Variants in WDR26 observed in about 807,000 individuals in gnomAD.
WDR26 encodes the protein WD repeat domain 26, also known as WD repeat-containing protein 26.
A neutral mutation model predicts 84.1 loss-of-function variants in WDR26; 5 were observed. The observed-to-expected ratio is 0.06, with a 90% CI of 0.03 to 0.13. WDR26 has a LOEUF of 0.13. Ranked by LOEUF, WDR26 falls within the 10% of genes least tolerant of loss-of-function variation. The pLI is 1.00. For missense variants in WDR26, 642 were observed against 974.9 expected (o/e 0.66, Z 4.55); for synonymous variants, 415 against 389.6 (o/e 1.07, Z -0.77).
At position 224,433,962 on chromosome 1, in the gene WDR26, C is replaced by T. The variant is rs1177406459; in HGVS notation, c.444G>A (p.Ser148=). The T allele has an allele frequency of 2.6e-6, 4 of 1,528,718 alleles. No individual in the cohort carries two copies. Among genetic ancestry groups the T allele is most frequent in the Non-Finnish European group, 2.6e-6 (3 of 1,141,302 alleles). The allele number at this position is 1,528,718 out of a possible 1,614,324, so 94.7% of individuals were successfully genotyped here. ...TGGCGTGGGCCAGGTCCCCCGCGGA[C>T]GACGACGACGAGGGGGACGACTCCC... Residue 148 remains serine, a synonymous_variant, in exon 1 of 14, where the codon TCG becomes TCA. Coordinates refer to ENST00000414423, the MANE Select transcript of WDR26 (RefSeq NM_001379403.1).
intron 4 of WDR26, 64 bp from the exon 5 acceptor site, chr1:224,419,679 A>G (rs1285113877): frequency 6.1e-6 from 8 of 1,316,138 alleles, no homozygotes; most frequent in Non-Finnish European, 8.7e-6. Context: ...ATGTAATTGA[A>G]AAGTACTGAC....
At chr1:224,392,901 T>TAAAAA (rs201845991) in intron 13 of WDR26, among the ~76,000 whole-genome samples, 1 of 134,448 alleles carries the variant, frequency 7.4e-6, no homozygotes. Context: ...TCTTTCTCAC[T>TAAAAA]AAAAAAAAAA....
chr1:224,433,446 G>C (rs1344715765), intron 1 of WDR26, among the ~76,000 whole-genome samples: 4 of 152,060 alleles, frequency 2.6e-5, no homozygotes, highest in African/African-American at 9.7e-5. Context: ...CTCAACGCCT[G>C]TCTCGTCTCA....
chr1:224,429,140 T>C (rs1674313829), intron 3 of WDR26, among the ~76,000 whole-genome samples: 2 of 151,792 alleles, frequency 1.3e-5, no homozygotes, highest in Admixed American at 1.3e-4. Context: ...CATGTGCCTG[T>C]AGTCCCAGCT....
At chr1:224,433,593 G>GGCC in intron 1 of WDR26, 91 bp downstream of exon 1, 1 of 829,658 alleles carries the variant, frequency 1.2e-6, no homozygotes, top group Non-Finnish European at 1.8e-6. Context: ...GCTCTTTCAA[G>GGCC]CCCCCCTCCC....
At position 224,433,926 on chromosome 1, in the gene WDR26, C is replaced by CAGG; in HGVS notation, c.477_479dup (p.Leu160dup). 6.5e-7 allele frequency: 1 copy of CAGG among 1,536,234 alleles called. No homozygotes were observed. Among genetic ancestry groups the CAGG allele is most frequent in the South Asian group, 1.2e-5 (1 of 84,032 alleles). On this transcript the variant is annotated inframe_insertion, in exon 1 of 14. Transcript: ENST00000414423. ...TGCTGGCGGCGGAGGGGGCGGAAGG[C>CAGG]AGGAGCCCATTGGCGTGGGCCAGGT...
intron 3 of WDR26, among the ~76,000 whole-genome samples, chr1:224,425,769 T>C (rs1234558385): frequency 2.0e-5 from 3 of 152,198 alleles, no homozygotes; most frequent in East Asian, 1.9e-4. Flanking sequence ...ATGTTAGTCA[T>C]ATTTAGAGAC....
chr1:224,397,973 A>T (rs1490544744), intron 12 of WDR26, 124 bp downstream of exon 12: 16 of 1,161,550 alleles, frequency 1.4e-5, no homozygotes, highest in Non-Finnish European at 1.9e-5. Flanking sequence ...TTAACCGTGT[A>T]TTGGATAAAT....
chr1:224,404,519 C>T lies in WDR26; in HGVS notation c.1510G>A (p.Val504Ile), dbSNP rs933720635. 7 of 1,613,922 alleles carry T rather than the reference C, an allele frequency of 4.3e-6. No individual in the cohort carries two copies. Among genetic ancestry groups the T allele is most frequent in the East Asian group, 2.2e-5 (1 of 44,844 alleles). ...TCTGGACTCCATGCAATATAAGAAA[C>T]GCCATAAGCATGTCCTTCTAATGTT... Residue 504 changes from valine to isoleucine, a missense_variant, in exon 8 of 14, where the codon GTT (valine) becomes ATT (isoleucine). Physicochemically the swap from Val to Ile is conservative, Grantham distance 29. This residue lies in a region of WDR26 where 351 missense variants were observed against 672.8 expected (regional missense o/e 0.52). Coordinates refer to ENST00000414423, the MANE Select transcript of WDR26 (RefSeq NM_001379403.1).
At chr1:224,394,315 T>C (rs1489693106) in intron 12 of WDR26, among the ~76,000 whole-genome samples, 1 of 152,096 alleles carries the variant, frequency 6.6e-6, no homozygotes, top group African/African-American at 2.4e-5. Context: ...AAATCCAGGA[T>C]AGAGATAGTG....
In WDR26 at chr1:224,428,904, C is replaced by CA. The variant is rs34399474; in HGVS notation, c.927+2572dup. On this transcript the variant is annotated intron_variant, in intron 3 of 13. Transcript: ENST00000414423. The stretch of plus-strand genomic sequence containing the variant: ...CTGGGCAATAAGAGAAACTCCATCT[C>CA]AAAAAAAAAAAAAAAATGCTGATTC... Among the ~76,000 whole-genome samples the CA allele has an allele frequency of 4.7e-3, 541 of 114,716 alleles. 11 individuals are homozygous for CA. The East Asian group carries it at 0.066, about 14-fold the overall frequency. The allele number at this position is 114,716 out of a possible 152,430, so 75.3% of individuals were successfully genotyped here. A position where few individuals can be genotyped will look rare whatever the true frequency, so the allele number is the denominator to read the frequency against.
At chr1:224,396,665 T>C (rs554528110) in intron 12 of WDR26, among the ~76,000 whole-genome samples, 54 of 152,314 alleles carry the variant, frequency 3.5e-4, no homozygotes, top group Non-Finnish European at 6.2e-4. Flanking sequence ...AAAGAAAGAA[T>C]TGATGAATTC....
Position 224,387,084 on chromosome 1 carries a change from C to A in WDR26, c.*2751G>T, listed in dbSNP as rs1673006578. ...CATTTTTAAGCACATGGAAATGAGC[C>A]TACTAACCTGATTTTTGGAGCCCAA... On this transcript the variant is annotated 3_prime_UTR_variant, in exon 14 of 14. Transcript: ENST00000414423. The A allele has an allele frequency of 6.6e-6, 1 of 152,568 alleles. No individual in the cohort carries two copies. The highest frequency in any genetic ancestry group is 2.4e-5 in the African/African-American group (1 of 41,430). 9.5% of individuals were successfully genotyped at this position (152,568 alleles called of 1,614,324 possible).
At position 224,389,781 on chromosome 1, in the gene WDR26, T is replaced by A; in HGVS notation, c.*54A>T. The A allele has an allele frequency of 6.5e-7, 1 of 1,547,634 alleles. No homozygotes were observed. Among genetic ancestry groups the A allele is most frequent in the South Asian group, 1.1e-5 (1 of 89,658 alleles). ...TTTGTTTGCACCAAATCCCAAGCCA[T>A]TAAAATACGACTAATTTTAAGTTAA... On this transcript the variant is annotated 3_prime_UTR_variant, in exon 14 of 14. Transcript: ENST00000414423.
At chr1:224,398,863 G>A (rs764588158) in intron 10 of WDR26, 26 bp downstream of exon 10, 15 of 1,611,120 alleles carry the variant, frequency 9.3e-6, no homozygotes, top group African/African-American at 4.0e-5. Context: ...GGTAATTGTT[G>A]TTTAATGGAA....
chr1:224,433,607 T>TCCCCCCCCCCCCCTGGGCCCC, intron 1 of WDR26, 77 bp downstream of exon 1: 1 of 250,554 alleles, frequency 4.0e-6, no homozygotes, highest in South Asian at 6.4e-5. Flanking sequence ...CCCTCCCCCC[T>TCCCCCCCCCCCCCTGGGCCCC]CCGCCCCTTC....
chr1:224,414,575 G>A (rs75238439), intron 6 of WDR26, among the ~76,000 whole-genome samples: 3,228 of 152,146 alleles, frequency 0.021, 28 homozygotes, highest in Non-Finnish European at 0.031. Flanking sequence ...TTTAATTTCC[G>A]AAAATAGTTT....
At chr1:224,391,965 A>T (rs917084543) in intron 13 of WDR26, among the ~76,000 whole-genome samples, 67 of 152,336 alleles carry the variant, frequency 4.4e-4, no homozygotes, top group East Asian at 9.7e-4. Context: ...CAGATCCTAC[A>T]AATTAGCCAA....
At chr1:224,401,695 A>AAAG (rs1553354165) in intron 8 of WDR26, among the ~76,000 whole-genome samples, 3,547 of 103,594 alleles carry the variant, frequency 0.034, 328 homozygotes, top group African/African-American at 0.12. Flanking sequence ...AAAAAGAAAA[A>AAAG]AAAAAAGAAA....
Sources: gnomAD v4.1 joint callset for allele counts (sites outside exome capture counted in the v4.1 genomes callset) on GRCh38, gnomAD v4.1.1 for gene constraint, gnomAD v4.1.1 regional missense constraint, MANE v1.5 for transcripts, NCBI Gene and HGNC (gene_info 2026-07-23, HGNC 2026-07-21) for gene names.